SYT16: variants seen among roughly 807,000 people sequenced by gnomAD.
The protein encoded by SYT16 is synaptotagmin 16, also known as synaptotagmin-16.
A neutral mutation model predicts 61.4 loss-of-function variants in SYT16; 42 were observed. The observed-to-expected ratio is 0.68, with a 90% CI of 0.53 to 0.89. The LOEUF (loss-of-function observed/expected upper bound fraction) is 0.89, where lower values mean the gene tolerates loss of function less well. SYT16 is among the 40% of genes least tolerant of loss of function. The pLI is 0.00. For synonymous variants in SYT16, 314 were observed against 302.3 expected (o/e 1.04, Z -0.40); for missense variants, 804 against 807.3 (o/e 1.00, Z 0.05).
intron 1 of SYT16, among the ~76,000 whole-genome samples, chr14:61,935,879 AT>A (rs1216906729): frequency 2.0e-5 from 3 of 152,150 alleles, no homozygotes; most frequent in African/African-American, 7.2e-5. Context: ...TTAATAGTAC[AT>A]TTTTTCATAA....
intron 1 of SYT16, among the ~76,000 whole-genome samples, chr14:61,955,053 A>G (rs2050819572): frequency 6.6e-6 from 1 of 152,150 alleles, no homozygotes. Flanking sequence ...TGTAGCATGT[A>G]TTAGTACTTC....
intron 3 of SYT16, among the ~76,000 whole-genome samples, chr14:62,001,419 C>G (rs1057391013): frequency 6.6e-6 from 1 of 152,050 alleles, no homozygotes; most frequent in Admixed American, 6.6e-5. Context: ...TGCCATTTCA[C>G]TATCTTATGG....
chr14:61,936,859 A>G (rs2050004223), intron 1 of SYT16, among the ~76,000 whole-genome samples: 1 of 152,116 alleles, frequency 6.6e-6, no homozygotes, highest in South Asian at 2.1e-4. Flanking sequence ...GAACAATTCA[A>G]CCTGTTTTCA....
chr14:61,962,271 TA>T (rs71117860), intron 1 of SYT16, among the ~76,000 whole-genome samples: 26 of 149,578 alleles, frequency 1.7e-4, no homozygotes, highest in African/African-American at 4.6e-4. Flanking sequence ...ACTTAAAAGT[TA>T]AAAAAAAAAG....
At chr14:61,996,655 C>T (rs572646326) in intron 3 of SYT16, 113 bp downstream of exon 3, 2 of 1,272,950 alleles carry the variant, frequency 1.6e-6, no homozygotes, top group Admixed American at 4.9e-5. Context: ...TCTCTTATAC[C>T]TTCCCACATA....
rs908761791 is a variant in SYT16, at chr14:62,107,907, T to G, written c.*7200T>G. 3 of 152,260 alleles carry G rather than the reference T, an allele frequency of 2.0e-5. No homozygotes were observed. Among genetic ancestry groups the G allele is most frequent in the Admixed American group, 6.5e-5 (1 of 15,288 alleles). The allele number at this position is 152,260 out of a possible 1,614,324, so 9.4% of individuals were successfully genotyped here. A position where few individuals can be genotyped will look rare whatever the true frequency, so the allele number is the denominator to read the frequency against. On this transcript the variant is annotated 3_prime_UTR_variant, in exon 8 of 8. Transcript: ENST00000683842. ...CTTTGCAAGACAGTAAGTTAGATCC[T>G]GGAATGCTAGGTCTGTACAAACTTG...
chr14:61,938,933 G>A (rs1234127499), intron 1 of SYT16, among the ~76,000 whole-genome samples: 1 of 152,278 alleles, frequency 6.6e-6, no homozygotes, highest in Non-Finnish European at 1.5e-5. Flanking sequence ...TCAGGAGCCC[G>A]AGACCAGCCT....
At chr14:62,039,633 A>C (rs2054637501) in intron 3 of SYT16, among the ~76,000 whole-genome samples, 1 of 152,220 alleles carries the variant, frequency 6.6e-6, no homozygotes, top group Admixed American at 6.5e-5. Context: ...CATTAAGAAT[A>C]GAGACAGCAT....
At chr14:62,029,613 G>T (rs954000368) in intron 3 of SYT16, among the ~76,000 whole-genome samples, 1 of 152,144 alleles carries the variant, frequency 6.6e-6, no homozygotes, top group Non-Finnish European at 1.5e-5. Context: ...TTTGTGGAAG[G>T]TGAGAATGCA....
At chr14:61,815,421 C>T (rs1041080334) in intron 1 of SYT16, among the ~76,000 whole-genome samples, 2 of 152,110 alleles carry the variant, frequency 1.3e-5, no homozygotes, top group African/African-American at 2.4e-5. Flanking sequence ...ACAAAATTTC[C>T]CCTTGAGGGA....
intron 1 of SYT16, among the ~76,000 whole-genome samples, chr14:61,916,777 C>G (rs181413161): frequency 1.8e-4 from 27 of 152,240 alleles, no homozygotes; most frequent in Non-Finnish European, 7.4e-5. Context: ...TACCATTCTA[C>G]TCTCTACCTC....
chr14:62,010,144 G>C (rs1173385049), intron 3 of SYT16, among the ~76,000 whole-genome samples: 1 of 152,158 alleles, frequency 6.6e-6, no homozygotes, highest in Non-Finnish European at 1.5e-5. Context: ...TATGTTAAGT[G>C]CACAAAACTT....
At chr14:62,051,159 C>T (rs2055270924) in intron 3 of SYT16, among the ~76,000 whole-genome samples, 1 of 152,230 alleles carries the variant, frequency 6.6e-6, no homozygotes, top group African/African-American at 2.4e-5. Flanking sequence ...CCTACTCAAG[C>T]CTGGGCAATG....
intron 1 of SYT16, among the ~76,000 whole-genome samples, chr14:61,910,088 C>T (rs1326956399): frequency 6.6e-6 from 1 of 152,190 alleles, no homozygotes; most frequent in Non-Finnish European, 1.5e-5. Context: ...AAGTATGCTT[C>T]CATTATGGTA....
intron 2 of SYT16, among the ~76,000 whole-genome samples, chr14:61,977,406 G>A (rs2051858974): frequency 6.6e-6 from 1 of 152,210 alleles, no homozygotes; most frequent in African/African-American, 2.4e-5. Flanking sequence ...AGTTCAGCAT[G>A]GCTGGAGAGA....
chr14:62,031,087 GA>G (rs2054293299), intron 3 of SYT16, among the ~76,000 whole-genome samples: 1 of 152,160 alleles, frequency 6.6e-6, no homozygotes, highest in African/African-American at 2.4e-5. Flanking sequence ...AGACTTTCTT[GA>G]ACTGTTAAAA....
At chr14:62,015,884 G>A (rs979781617) in intron 3 of SYT16, among the ~76,000 whole-genome samples, 2 of 152,166 alleles carry the variant, frequency 1.3e-5, no homozygotes, top group Non-Finnish European at 2.9e-5. Flanking sequence ...ACTAAAATAA[G>A]TGAAAATAAA....
At chr14:61,896,785 T>C (rs2048340045) in intron 1 of SYT16, among the ~76,000 whole-genome samples, 1 of 152,254 alleles carries the variant, frequency 6.6e-6, no homozygotes, top group Non-Finnish European at 1.5e-5. Flanking sequence ...GCACTTTAGA[T>C]GCTCATCTTA....
intron 1 of SYT16, among the ~76,000 whole-genome samples, chr14:61,902,375 G>A (rs2048556108): frequency 6.6e-6 from 1 of 152,308 alleles, no homozygotes; most frequent in East Asian, 1.9e-4. Flanking sequence ...AAGACCCTGT[G>A]CAAATAGCAT....
Sources: allele counts gnomAD v4.1 joint callset (sites outside exome capture counted in the v4.1 genomes callset), GRCh38; gene constraint gnomAD v4.1.1; transcripts MANE v1.5; gene names NCBI Gene and HGNC (gene_info 2026-07-23, HGNC 2026-07-21).